The following RASSF8 variants were observed in gnomAD, a reference collection of about 807,000 sequenced individuals.
The protein encoded by RASSF8 is Ras association domain family member 8, also known as ras association domain-containing protein 8.
RASSF8 carries 22 observed loss-of-function variants against 48.5 expected under a neutral mutation model. The ratio of observed to expected loss-of-function variants is 0.45; its 90% CI spans 0.32 to 0.65. The LOEUF is 0.65. Ranked by LOEUF, RASSF8 falls within the 30% of genes least tolerant of loss-of-function variation. The pLI, the probability that RASSF8 is intolerant of heterozygous loss-of-function variation, is 0.03. For missense variants in RASSF8, 418 were observed against 489.2 expected (o/e 0.85, Z 1.37); for synonymous variants, 127 against 171.5 (o/e 0.74, Z 2.03).
intron 1 of RASSF8, among the ~76,000 whole-genome samples, chr12:25,965,047 A>C (rs951594208): frequency 6.6e-6 from 1 of 151,396 alleles, no homozygotes; most frequent in African/African-American, 2.4e-5. Flanking sequence ...GGTTCATGCC[A>C]TTCTCCCGCC....
At chr12:26,059,457 GA>G (rs1417088583) in intron 3 of RASSF8, among the ~76,000 whole-genome samples, 1 of 152,020 alleles carries the variant, frequency 6.6e-6, no homozygotes, top group Non-Finnish European at 1.5e-5. Flanking sequence ...AGATTATCTT[GA>G]AATTTAGAAA....
intron 2 of RASSF8, among the ~76,000 whole-genome samples, chr12:26,025,197 C>G (rs1395532817): frequency 5.9e-5 from 9 of 152,124 alleles, no homozygotes; most frequent in Admixed American, 5.9e-4. Flanking sequence ...GATTTCCACC[C>G]TTGCCATTTC....
Position 26,071,175 on chromosome 12 carries a change from A to G in RASSF8, c.*2357A>G, listed in dbSNP as rs1028066490. On this transcript the variant is annotated 3_prime_UTR_variant, in exon 6 of 6. Coordinates refer to ENST00000689635, the MANE Select transcript of RASSF8 (RefSeq NM_001394098.1). ...AGCACATATCTAAGGAATATTTTCT[A>G]AGACTCAGAGGGAAAAAAACTCGTT... 25 of 976,376 alleles carry G rather than the reference A, an allele frequency of 2.6e-5. No individual in the cohort carries two copies. Among genetic ancestry groups the G allele is most frequent in the East Asian group, 1.1e-4 (1 of 8,794 alleles). The allele number at this position is 976,376 out of a possible 1,614,324, so 60.5% of individuals were successfully genotyped here.
At chr12:26,004,316 C>T (rs1176259849) in intron 2 of RASSF8, among the ~76,000 whole-genome samples, 1 of 152,174 alleles carries the variant, frequency 6.6e-6, no homozygotes, top group African/African-American at 2.4e-5. Context: ...AGATTTATGC[C>T]TACATTGTCA....
Position 26,069,426 on chromosome 12 carries a change from G to GT in RASSF8, c.*614dup. ...GCTTAATTAGGTGAAATAATTCAGG[G>GT]TTTTTTAAATCTGGAATTTAGTCGT... On this transcript the variant is annotated 3_prime_UTR_variant, in exon 6 of 6. Transcript: ENST00000689635. The GT allele has an allele frequency of 6.1e-6, 6 of 985,296 alleles. No individual in the cohort carries two copies. Among genetic ancestry groups the GT allele is most frequent in the African/African-American group, 1.7e-5 (1 of 57,344 alleles). The allele number at this position is 985,296 out of a possible 1,614,324, so 61.0% of individuals were successfully genotyped here.
chr12:26,026,154 G>C (rs1478179451), intron 2 of RASSF8, among the ~76,000 whole-genome samples: 2 of 152,050 alleles, frequency 1.3e-5, no homozygotes, highest in Non-Finnish European at 2.9e-5. Flanking sequence ...CAGAATTAAA[G>C]ATTTGTGTTC....
chr12:25,958,408 C>T (rs1415770632), upstream of RASSF8: 1 of 151,532 alleles, frequency 6.6e-6, no homozygotes, highest in African/African-American at 2.4e-5. Flanking sequence ...CCGGTGGGCC[C>T]GAGGGTCGCG....
rs1944018347 is a variant in RASSF8, at chr12:26,072,422, A to G, written c.*3604A>G. 1 of 977,762 alleles carries G rather than the reference A, an allele frequency of 1.0e-6. No homozygotes were observed. 60.6% of individuals were successfully genotyped at this position (977,762 alleles called of 1,614,324 possible). The stretch of plus-strand genomic sequence containing the variant: ...CCTGAAAGCTGCAGGAGCTCTTTTC[A>G]ATGCATTTTATATATTTTTAGAAAC... On this transcript the variant is annotated 3_prime_UTR_variant, in exon 6 of 6. Coordinates refer to ENST00000689635, the MANE Select transcript of RASSF8 (RefSeq NM_001394098.1).
chr12:26,054,419 A>T (rs1943557209), intron 2 of RASSF8, among the ~76,000 whole-genome samples: 1 of 152,254 alleles, frequency 6.6e-6, no homozygotes, highest in African/African-American at 2.4e-5. Flanking sequence ...ACAAACGGTT[A>T]ATGTTTATAT....
chr12:26,048,195 T>C (rs190921037), intron 2 of RASSF8, among the ~76,000 whole-genome samples: 14 of 152,340 alleles, frequency 9.2e-5, no homozygotes, highest in African/African-American at 3.1e-4. Flanking sequence ...CTGTGCACTG[T>C]GCTGATCCAT....
intron 1 of RASSF8, chr12:25,959,642 C>T (rs915037341): frequency 2.6e-5 from 4 of 152,218 alleles, no homozygotes; most frequent in Non-Finnish European, 5.9e-5. Flanking sequence ...CCGCCAGTCC[C>T]TTTGGGGAGG....
At chr12:26,012,562 A>G (rs999806714) in intron 2 of RASSF8, among the ~76,000 whole-genome samples, 1 of 152,050 alleles carries the variant, frequency 6.6e-6, no homozygotes, top group Non-Finnish European at 1.5e-5. Context: ...AACTATATCC[A>G]TATATTATTT....
chr12:25,977,970 G>A (rs1941648688), intron 1 of RASSF8, among the ~76,000 whole-genome samples: 1 of 152,144 alleles, frequency 6.6e-6, no homozygotes, highest in African/African-American at 2.4e-5. Flanking sequence ...ATGGGGCATA[G>A]GGCTTGTGAC....
intron 2 of RASSF8, among the ~76,000 whole-genome samples, chr12:26,035,870 A>G (rs1943138010): frequency 1.4e-5 from 2 of 140,746 alleles, no homozygotes; most frequent in South Asian, 2.3e-4. Context: ...TAATAAAATT[A>G]TATATTATAT....
intron 3 of RASSF8, among the ~76,000 whole-genome samples, chr12:26,060,564 TA>T (rs1943720501): frequency 1.3e-5 from 2 of 152,166 alleles, no homozygotes; most frequent in Admixed American, 1.3e-4. Context: ...ATGATATATA[TA>T]AAAGCATCAA....
At position 26,071,036 on chromosome 12, in the gene RASSF8, C is replaced by T; in HGVS notation, c.*2218C>T. Reference sequence around the variant, plus strand: ...AATTTCCAAGCTGCCAAATAATCTTCATAGACCTAATTACAGATTTAAAAA... The same window carrying T: ...AATTTCCAAGCTGCCAAATAATCTTTATAGACCTAATTACAGATTTAAAAA... On this transcript the variant is annotated 3_prime_UTR_variant, in exon 6 of 6. Transcript: ENST00000689635. The T allele has an allele frequency of 8.1e-6, 8 of 985,060 alleles. No homozygotes were observed. The highest frequency in any genetic ancestry group is 9.6e-6 in the Non-Finnish European group (8 of 829,638). The allele number at this position is 985,060 out of a possible 1,614,324, so 61.0% of individuals were successfully genotyped here. A position where few individuals can be genotyped will look rare whatever the true frequency, so the allele number is the denominator to read the frequency against.
chr12:26,020,674 T>A (rs1405130960), intron 2 of RASSF8, among the ~76,000 whole-genome samples: 4 of 151,712 alleles, frequency 2.6e-5, no homozygotes, highest in South Asian at 4.2e-4. Flanking sequence ...TATTTAAGTT[T>A]AAAAAAAAGA....
At chr12:26,007,071 C>T (rs1450292307) in intron 2 of RASSF8, among the ~76,000 whole-genome samples, 1 of 151,978 alleles carries the variant, frequency 6.6e-6, no homozygotes, top group Non-Finnish European at 1.5e-5. Flanking sequence ...AGAGGAAGTG[C>T]TTTAGGGGTG....
chr12:26,045,404 G>T (rs1943351688), intron 2 of RASSF8, among the ~76,000 whole-genome samples: 1 of 152,122 alleles, frequency 6.6e-6, no homozygotes, highest in Non-Finnish European at 1.5e-5. Context: ...CAGCCACTCT[G>T]ACTCATGAGT....
Sources: gnomAD v4.1 joint callset for allele counts (sites outside exome capture counted in the v4.1 genomes callset) on GRCh38, gnomAD v4.1.1 for gene constraint, MANE v1.5 for transcripts, NCBI Gene and HGNC (gene_info 2026-07-23, HGNC 2026-07-21) for gene names.